RTN4: variants seen among roughly 807,000 people sequenced by gnomAD.
RTN4 encodes the protein reticulon-4.
A neutral mutation model predicts 90.4 loss-of-function variants in RTN4; 32 were observed. The ratio of observed to expected loss-of-function variants is 0.35; its 90% CI spans 0.27 to 0.48. The LOEUF (loss-of-function observed/expected upper bound fraction) is 0.48. Among genes scored for constraint, RTN4 ranks in the 20% least tolerant of loss-of-function variants. The pLI is 0.99. For synonymous variants in RTN4, 629 were observed against 552.5 expected (o/e 1.14, Z -1.94); for missense variants, 1,706 against 1,430.2 (o/e 1.19, Z -3.11).
chr2:55,080,468 G>A (rs1458250286), intron 2 of RTN4: 1 of 152,136 alleles, frequency 6.6e-6, no homozygotes, highest in Non-Finnish European at 1.5e-5. Flanking sequence ...GCATATCACA[G>A]AGCAAATTCA....
chr2:54,981,246 G>GT (rs1422985805), intron 5 of RTN4, among the ~76,000 whole-genome samples: 2 of 150,944 alleles, frequency 1.3e-5, no homozygotes, highest in Middle Eastern at 3.5e-3. Context: ...TGAAAATAAC[G>GT]TATCAACTAC....
chr2:55,109,533 C>G lies in RTN4; in HGVS notation c.-214+2987G>C, dbSNP rs76712463. Among the ~76,000 whole-genome samples, 738 of 152,260 alleles carry G rather than the reference C, an allele frequency of 4.8e-3. 17 individuals carry two copies. The highest frequency in any genetic ancestry group is 0.017 in the African/African-American group (699 of 41,510). On this transcript the variant is annotated intron_variant, in intron 1 of 3. Transcript: ENST00000427710. ...TCAGCTTTGACAAGGACATTTATCT[C>G]TGGAATTTCTGTCCTCTGAAAATAT...
intron 2 of RTN4, among the ~76,000 whole-genome samples, chr2:55,063,606 C>A (rs908726753): frequency 6.6e-6 from 1 of 151,934 alleles, no homozygotes; most frequent in African/African-American, 2.4e-5. Flanking sequence ...CTGGGCCCGA[C>A]GCAGTGGCTC....
rs142389465 is a variant in RTN4, at chr2:55,015,616, C to T, written c.3013+9470G>A. Among the ~76,000 whole-genome samples the T allele has an allele frequency of 1.7e-4, 26 of 152,226 alleles. No individual in the cohort carries two copies. The East Asian group carries it at 4.4e-3, about 26-fold the overall frequency. ...TACAAACTGCCAACATGTTCACATT[C>T]ACTAATAATCAAAGATCAAAAAAGC... On this transcript the variant is annotated intron_variant, in intron 3 of 8. Coordinates refer to ENST00000337526, the MANE Select transcript of RTN4 (RefSeq NM_020532.5).
chr2:55,061,045 A>G (rs1573490194), intron 2 of RTN4, among the ~76,000 whole-genome samples: 1 of 150,046 alleles, frequency 6.7e-6, no homozygotes, highest in South Asian at 2.1e-4. Context: ...AAATTTTAGT[A>G]TGCATATTTT....
upstream of RTN4, among the ~76,000 whole-genome samples, chr2:55,052,311 C>T (rs887805247): frequency 1.3e-5 from 2 of 152,234 alleles, no homozygotes; most frequent in Admixed American, 6.5e-5. Context: ...GGTTAGGGGG[C>T]AGGAGTGAGA....
Position 55,049,968 on chromosome 2 carries a change from G to C in RTN4, c.333C>G (p.Ser111Arg), listed in dbSNP as rs879942488. 5.6e-5 allele frequency: 76 copies of C among 1,368,616 alleles called. No homozygotes were observed. The highest frequency in any genetic ancestry group is 1.9e-4 in the Admixed American group (5 of 25,864). 84.8% of individuals were successfully genotyped at this position (1,368,616 alleles called of 1,614,324 possible). Reference protein sequence around the residue: ...APERQPSWDPSPVSSTVPAPS... With the variant: ...APERQPSWDPRPVSSTVPAPS... ...GCGCGGGCACGGTCGACGACACCGG[G>C]CTCGGGTCCCAAGACGGCTGCCGCT... Residue 111 changes from serine (S) to arginine (R), a missense_variant, in exon 1 of 9, where the codon AGC (serine) becomes AGG (arginine). Ser to Arg is a moderately radical substitution (Grantham distance 110). Coordinates refer to ENST00000337526, the MANE Select transcript of RTN4 (RefSeq NM_020532.5).
chr2:55,119,654 A>G, the RTN4 span, among the ~76,000 whole-genome samples: 2 of 152,204 alleles, frequency 1.3e-5, no homozygotes, highest in Admixed American at 1.3e-4. Flanking sequence ...GAAAATGATG[A>G]AAGTATTACA....
At chr2:55,034,161 T>C (rs542432135) in intron 1 of RTN4, among the ~76,000 whole-genome samples, 6 of 152,250 alleles carry the variant, frequency 3.9e-5, no homozygotes, top group African/African-American at 1.2e-4. Flanking sequence ...ATACAGAACA[T>C]AGTGACAGCT....
chr2:55,128,544 C>T, the RTN4 span, among the ~76,000 whole-genome samples: 1 of 152,136 alleles, frequency 6.6e-6, no homozygotes, highest in Non-Finnish European at 1.5e-5. Context: ...TCCCAACTCA[C>T]TGCAACCTAA....
intron 3 of RTN4, among the ~76,000 whole-genome samples, chr2:55,013,627 AG>A (rs1372103350): frequency 1.0e-4 from 6 of 58,378 alleles, no homozygotes; most frequent in Non-Finnish European, 1.6e-4. Context: ...GGGAGGGTGT[AG>A]GGGGGGTGGT....
chr2:54,991,805 C>T lies in RTN4; in HGVS notation c.3014-4107G>A, dbSNP rs748016238. On this transcript the variant is annotated intron_variant, in intron 3 of 8. Transcript: ENST00000337526. ...AACCTTCCTAGAAATATCTTAAGTA[C>T]CAGACATTATTAAAACTTTAGGAAA... is the stretch of plus-strand genomic sequence containing the variant. 2.6e-5 allele frequency among the ~76,000 whole-genome samples: 4 copies of T among 152,054 alleles called. 1 individual carries two copies. The highest frequency in any genetic ancestry group is 4.8e-5 in the African/African-American group (2 of 41,376).
At chr2:55,130,561 A>G in the RTN4 span, among the ~76,000 whole-genome samples, 10 of 152,244 alleles carry the variant, frequency 6.6e-5, no homozygotes, top group South Asian at 2.1e-3. Context: ...GACCAGCCGG[A>G]ACAACAAAAA....
chr2:55,116,960 A>G (rs755744579), upstream of RTN4, among the ~76,000 whole-genome samples: 36 of 132,046 alleles, frequency 2.7e-4, no homozygotes, highest in Non-Finnish European at 4.8e-4. Context: ...TGCAACCTCC[A>G]CCTCCTGGGT....
chr2:54,974,968 C>A (rs1022830967), intron 5 of RTN4, among the ~76,000 whole-genome samples: 4 of 152,134 alleles, frequency 2.6e-5, no homozygotes, highest in African/African-American at 9.7e-5. Flanking sequence ...AGATTTGACC[C>A]ATTTTCTCTG....
intron 1 of RTN4, among the ~76,000 whole-genome samples, chr2:55,083,810 A>G (rs1668785192): frequency 2.0e-5 from 3 of 152,152 alleles, no homozygotes; most frequent in Admixed American, 2.0e-4. Flanking sequence ...AGAAGCATAT[A>G]TTTGGTCTGA....
chr2:55,044,932 T>G (rs891348456), intron 1 of RTN4, among the ~76,000 whole-genome samples: 1 of 152,082 alleles, frequency 6.6e-6, no homozygotes, highest in East Asian at 1.9e-4. Context: ...CCAGAAATTA[T>G]TCAGAATCAC....
At chr2:55,038,967 G>C (rs1240707612) in intron 1 of RTN4, among the ~76,000 whole-genome samples, 1 of 152,156 alleles carries the variant, frequency 6.6e-6, no homozygotes, top group African/African-American at 2.4e-5. Flanking sequence ...AGTCTTAAAA[G>C]CATCATGCTG....
At chr2:55,070,566 AG>A (rs1558867048) in intron 2 of RTN4, among the ~76,000 whole-genome samples, 121 of 145,456 alleles carry the variant, frequency 8.3e-4, no homozygotes, top group African/African-American at 3.1e-3. Flanking sequence ...AAAAAAAAAA[AG>A]AAAGAAAGAA....
Sources: gnomAD v4.1 joint callset for allele counts (sites outside exome capture counted in the v4.1 genomes callset) on GRCh38, gnomAD v4.1.1 for gene constraint, MANE v1.5 for transcripts, NCBI Gene and HGNC (gene_info 2026-07-23, HGNC 2026-07-21) for gene names.